COL5A1: variants seen among roughly 807,000 people sequenced by gnomAD.
COL5A1 encodes the protein collagen type V alpha 1 chain, also known as collagen alpha-1(V) chain.
COL5A1 carries 16 observed loss-of-function variants against 263.7 expected under a neutral mutation model. The observed-to-expected ratio is 0.06, with a 90% CI of 0.04 to 0.09. COL5A1 has a LOEUF of 0.09. Among genes scored for constraint, COL5A1 ranks in the 10% least tolerant of loss-of-function variants. COL5A1 has a pLI of 1.00. For synonymous variants in COL5A1, 1,012 were observed against 1,004.5 expected, an observed-to-expected ratio of 1.01 and a Z score of -0.14; for missense variants, 2,036 against 2,540.5, an observed-to-expected ratio of 0.80 and a Z score of 4.27.
intron 1 of COL5A1, among the ~76,000 whole-genome samples, chr9:134,646,231 G>C (rs922745339): frequency 5.3e-5 from 8 of 152,188 alleles, no homozygotes; most frequent in African/African-American, 1.9e-4. Context: ...CAGTCTGACA[G>C]GCAGACCATT....
chr9:134,722,438 G>T (rs1258952726), intron 4 of COL5A1, among the ~76,000 whole-genome samples: 2 of 152,224 alleles, frequency 1.3e-5, no homozygotes, highest in Non-Finnish European at 2.9e-5. Context: ...AGCACCTTAT[G>T]CAGGGCCTGC....
At chr9:134,648,272 A>G (rs1272040541) in intron 1 of COL5A1, among the ~76,000 whole-genome samples, 1 of 148,582 alleles carries the variant, frequency 6.7e-6, no homozygotes, top group Non-Finnish European at 1.5e-5. Flanking sequence ...TGTGTAAGTC[A>G]GTACTTAATA....
At chr9:134,761,870 C>G in intron 18 of COL5A1, 55 bp from the exon 19 acceptor site, 2 of 1,559,140 alleles carry the variant, frequency 1.3e-6, no homozygotes, top group South Asian at 2.2e-5. Context: ...GGACCTTGGA[C>G]AAGCCCTGCA....
chr9:134,782,683 C>T lies in COL5A1; in HGVS notation c.2447C>T (p.Pro816Leu), dbSNP rs1418579599. 6.2e-7 allele frequency: 1 copy of T among 1,613,550 alleles called. No individual in the cohort carries two copies. The highest frequency in any genetic ancestry group is 1.3e-5 in the African/African-American group (1 of 74,788). Residue 816 changes from proline (P) to leucine (L), a missense_variant, in exon 29 of 66, where the codon CCT (proline) becomes CTT (leucine). Transcript: ENST00000371817. ...TKGEKGEDGF[P>L]GFKGDMGIKG... ...CATATTCAGGGTGAAGACGGCTTTC[C>T]TGGGTTTAAAGGAGACATGGGCATC...
Position 134,811,350 on chromosome 9 carries a change from G to A in COL5A1, c.3540G>A (p.Gly1180=). The A allele has an allele frequency of 6.2e-7, 1 of 1,614,102 alleles. No individual in the cohort carries two copies. Among genetic ancestry groups the A allele is most frequent in the Non-Finnish European group, 8.5e-7 (1 of 1,179,998 alleles). Residue 1180 remains glycine, a synonymous_variant, in exon 45 of 66, where the codon GGG becomes GGA. Coordinates refer to ENST00000371817, the MANE Select transcript of COL5A1 (RefSeq NM_000093.5). ...KGDKGEQGPP[G]PTGPQGPIGQ... ...CTTGTTCCCCGCAGGGTCCTCCTGG[G>A]CCTACAGGTCCTCAAGGCCCCATCG...
intron 1 of COL5A1, among the ~76,000 whole-genome samples, chr9:134,667,994 AGT>A (rs568406474): frequency 6.6e-6 from 1 of 152,258 alleles, no homozygotes; most frequent in East Asian, 1.9e-4. Flanking sequence ...GGTGGGAAGG[AGT>A]TGAGACCTGC....
intron 46 of COL5A1, among the ~76,000 whole-genome samples, 181 bp downstream of exon 46, chr9:134,811,780 G>A (rs753188247): frequency 6.6e-6 from 1 of 152,184 alleles, no homozygotes; most frequent in African/African-American, 2.4e-5. Flanking sequence ...AGACATGCCC[G>A]CATTTACCAC....
In COL5A1 at chr9:134,830,084, A is replaced by G. The variant is rs183298179; in HGVS notation, c.5136+40A>G. The G allele has an allele frequency of 2.7e-3, 4,351 of 1,611,910 alleles. 189 individuals are homozygous for G. In the Admixed American group the frequency reaches 0.069, roughly 26 times the overall value. ...GGCGTCTTTGCGGTTGTCACTTTAA[A>G]CCCGCCCATCTCGTATCTTACAGAG... is the stretch of plus-strand genomic sequence containing the variant. On this transcript the variant is annotated intron_variant, in intron 64 of 65. Transcript: ENST00000371817.
In COL5A1 at chr9:134,750,895, G is replaced by GGGTCCCAA. The variant is rs760200734; in HGVS notation, c.1662+15_1662+22dup. On this transcript the variant is annotated intron_variant, in intron 13 of 65. Transcript: ENST00000371817. ...CCAGCAGGCCAGGGTGAGTACTGCT[G>GGGTCCCAA]GGTCCCAAGAGGCCTGAAGGGGACA... The GGGTCCCAA allele has an allele frequency of 1.6e-5, 26 of 1,610,526 alleles. No individual in the cohort carries two copies. The Admixed American group carries it at 2.0e-4, about 12-fold the overall frequency.
intron 4 of COL5A1, 22 bp from the exon 5 acceptor site, chr9:134,727,244 A>G: frequency 1.2e-6 from 2 of 1,612,768 alleles, no homozygotes; most frequent in Middle Eastern, 1.9e-4. Flanking sequence ...CTGCTTTTTC[A>G]TGAGCGTCTC....
In COL5A1 at chr9:134,794,243, C is replaced by T. The variant is rs894002365; in HGVS notation, c.2701-839C>T. Among the ~76,000 whole-genome samples, 4 of 151,968 alleles carry T rather than the reference C, an allele frequency of 2.6e-5. No individual in the cohort carries two copies. Among genetic ancestry groups the T allele is most frequent in the Admixed American group, 6.6e-5 (1 of 15,258 alleles). On this transcript the variant is annotated intron_variant, in intron 32 of 65. Transcript: ENST00000371817. The surrounding 1 kb of genome is among the most constrained non-coding windows in gnomAD (Gnocchi z 4.3). ...GGCTGAGGCAGGAGAATCGCTTGAA[C>T]CTGGGAGGCGGAGGTTGCAGTCAGC...
At chr9:134,719,771 G>A (rs1834390421) in intron 4 of COL5A1, among the ~76,000 whole-genome samples, 1 of 152,230 alleles carries the variant, frequency 6.6e-6, no homozygotes, top group East Asian at 1.9e-4. Context: ...CGGAGGATGG[G>A]GAGAAAGCAA....
chr9:134,690,091 C>T lies in COL5A1; in HGVS notation c.110-821C>T, dbSNP rs550774840. 8.3e-4 allele frequency among the ~76,000 whole-genome samples: 126 copies of T among 152,220 alleles called. 2 individuals are homozygous for T. Among genetic ancestry groups the T allele is most frequent in the African/African-American group, 3.0e-3 (123 of 41,528 alleles). On this transcript the variant is annotated intron_variant, in intron 1 of 65. Transcript: ENST00000371817. ...CCATTGAGCTCCCTGGTAATGATCA[C>T]GGCTTCAGTGGCCAGAGGTCAGCTT...
At chr9:134,753,446 CAG>C (rs913915860) in intron 14 of COL5A1, among the ~76,000 whole-genome samples, 9 of 152,178 alleles carry the variant, frequency 5.9e-5, no homozygotes, top group Admixed American at 5.2e-4. Flanking sequence ...CGCCTCCACA[CAG>C]GGCCTGACTC....
chr9:134,830,495 G>C (rs1839567991), intron 64 of COL5A1: 1 of 480,114 alleles, frequency 2.1e-6, no homozygotes, highest in Admixed American at 3.6e-5. Flanking sequence ...GAGCACTGAG[G>C]TCAGACGCTC....
chr9:134,728,578 C>A, intron 5 of COL5A1, 92 bp from the exon 6 acceptor site: 4 of 1,571,182 alleles, frequency 2.5e-6, no homozygotes, highest in Middle Eastern at 1.7e-4. Flanking sequence ...GGCGTCGTGG[C>A]GTGCAGATCT....
At chr9:134,725,990 G>A (rs1247582615) in intron 4 of COL5A1, among the ~76,000 whole-genome samples, 1 of 152,198 alleles carries the variant, frequency 6.6e-6, no homozygotes, top group East Asian at 1.9e-4. Flanking sequence ...TTATGCATCT[G>A]TTTCAGTTCC....
intron 41 of COL5A1, among the ~76,000 whole-genome samples, chr9:134,805,567 G>A (rs759781019): frequency 7.9e-5 from 12 of 152,172 alleles, no homozygotes; most frequent in Admixed American, 5.2e-4. Context: ...AAACAGACAC[G>A]GGTCTGCAGG....
At chr9:134,827,902 A>T (rs1041433472) in intron 63 of COL5A1, among the ~76,000 whole-genome samples, 1 of 152,198 alleles carries the variant, frequency 6.6e-6, no homozygotes, top group South Asian at 2.1e-4. Context: ...TGGAAACGAG[A>T]GAGGGTGGGA....
Sources: gnomAD v4.1 joint callset for allele counts (sites outside exome capture counted in the v4.1 genomes callset) on GRCh38, gnomAD v4.1.1 for gene constraint, Gnocchi (gnomAD v3.1) non-coding constraint, MANE v1.5 for transcripts, NCBI Gene and HGNC (gene_info 2026-07-23, HGNC 2026-07-21) for gene names.